Variants in KIF21A observed in about 807,000 individuals in gnomAD.
The protein encoded by KIF21A is kinesin family member 21A, also known as kinesin-like protein KIF21A.
In KIF21A, 114 loss-of-function variants were observed where a neutral mutation model predicts 202.9. That is an observed-to-expected ratio of 0.56 (90% CI 0.48 to 0.66). KIF21A has a LOEUF of 0.66. Among genes scored for constraint, KIF21A ranks in the 30% least tolerant of loss-of-function variants. The probability of loss-of-function intolerance (pLI) is 0.00; values close to 1 mark genes in which losing one functional copy is unlikely to be tolerated. For missense variants in KIF21A, 1,677 were observed against 1,994.9 expected (o/e 0.84, Z 3.04); for synonymous variants, 667 against 670.8 (o/e 0.99, Z 0.09).
chr12:39,330,899 C>A lies in KIF21A; in HGVS notation c.3166G>T (p.Ala1056Ser), dbSNP rs1230534151. 8.7e-6 allele frequency: 14 copies of A among 1,613,808 alleles called. No individual in the cohort carries two copies. The highest frequency in any genetic ancestry group is 2.7e-5 in the African/African-American group (2 of 74,902). The change falls in exon 23 of 38, where the codon GCC becomes TCC. Residue 1056 changes from alanine to serine, a missense_variant. Physicochemically the swap from Ala to Ser is moderately conservative, Grantham distance 99. Transcript: ENST00000361418. The part of the protein sequence containing the change: ...SMGINKGLQA[A>S]QKEAQIKVLE... ...ACTTTAATTTGAGCCTCTTTCTGGG[C>A]AGCCTGAAGACCCTGAAACACAACA...
intron 1 of KIF21A, among the ~76,000 whole-genome samples, chr12:39,402,791 T>C (rs1172104871): frequency 1.3e-5 from 2 of 152,214 alleles, no homozygotes; most frequent in African/African-American, 4.8e-5. Flanking sequence ...AGTGTTAGCG[T>C]ATTTTATGTG....
chr12:39,307,450 G>A, intron 34 of KIF21A, 115 bp downstream of exon 34: 1 of 907,834 alleles, frequency 1.1e-6, no homozygotes, highest in South Asian at 1.5e-5. Flanking sequence ...AAAAGCCTAT[G>A]ATTTTACATT....
At chr12:39,420,075 A>G in intron 1 of KIF21A, among the ~76,000 whole-genome samples, 1 of 27,486 alleles carries the variant, frequency 3.6e-5, no homozygotes, top group Admixed American at 5.6e-4. Flanking sequence ...GACAGAAAGT[A>G]AAAAAAAAAA....
At chr12:39,440,406 C>T (rs1939400021) in intron 1 of KIF21A, among the ~76,000 whole-genome samples, 1 of 152,136 alleles carries the variant, frequency 6.6e-6, no homozygotes, top group Non-Finnish European at 1.5e-5. Flanking sequence ...TCTTTCTGTG[C>T]CTCATCTGTA....
At chr12:39,300,643 A>G (rs538370790) in intron 37 of KIF21A, among the ~76,000 whole-genome samples, 4 of 152,264 alleles carry the variant, frequency 2.6e-5, no homozygotes, top group African/African-American at 9.6e-5. Flanking sequence ...AATGAGACCT[A>G]CACTTCACAT....
chr12:39,364,572 C>A (rs1436281091), intron 6 of KIF21A, among the ~76,000 whole-genome samples: 1 of 152,062 alleles, frequency 6.6e-6, no homozygotes, highest in Non-Finnish European at 1.5e-5. Context: ...TGGTAATTTC[C>A]CCATAGACGG....
intron 1 of KIF21A, among the ~76,000 whole-genome samples, chr12:39,415,879 A>G (rs898119777): frequency 1.3e-5 from 2 of 152,184 alleles, no homozygotes; most frequent in African/African-American, 4.8e-5. Flanking sequence ...CTGCTTAGAC[A>G]GCTCTTCCTC....
chr12:39,417,721 G>A lies in KIF21A; in HGVS notation c.44+25206C>T, dbSNP rs79794995. 3.7e-3 allele frequency among the ~76,000 whole-genome samples: 558 copies of A among 151,910 alleles called. 4 individuals are homozygous for A. The highest frequency in any genetic ancestry group is 0.028 in the East Asian group (147 of 5,180). On this transcript the variant is annotated intron_variant, in intron 1 of 37. Coordinates refer to ENST00000361418, the MANE Select transcript of KIF21A (RefSeq NM_001173464.2). ...ACATCATTATGACACTATTATATTC[G>A]GTCAGGTATTGAATAATTTAAAACC... is the stretch of plus-strand genomic sequence containing the variant.
chr12:39,367,853 G>A, intron 4 of KIF21A, 30 bp downstream of exon 4: 1 of 1,570,268 alleles, frequency 6.4e-7, no homozygotes, highest in Non-Finnish European at 8.8e-7. Context: ...AGCCAACTAT[G>A]CTCTGTTTTA....
chr12:39,322,944 G>C (rs1320114339), intron 26 of KIF21A, 62 bp from the exon 27 acceptor site: 2 of 1,258,616 alleles, frequency 1.6e-6, no homozygotes, highest in Non-Finnish European at 1.1e-6. Flanking sequence ...GCTGATTAGA[G>C]AACAGAGATT....
rs1432758073 is a variant in KIF21A at position 39,442,499 on chromosome 12, CG to C, written c.44+427del. ...TGGGAAGGCCGGAGCTGCATGGACA[CG>C]TATGACAGACATTCTAGAACTAATA... is the stretch of plus-strand genomic sequence containing the variant. On this transcript the variant is annotated intron_variant, in intron 1 of 37. Transcript: ENST00000361418. This position sits in a 1 kb window ranked among gnomAD's most constrained non-coding sequence, Gnocchi z 5.0. Among the ~76,000 whole-genome samples, 1 of 152,122 alleles carries C rather than the reference CG, an allele frequency of 6.6e-6. No homozygotes were observed. Among genetic ancestry groups the C allele is most frequent in the Non-Finnish European group, 1.5e-5 (1 of 68,018 alleles).
intron 37 of KIF21A, among the ~76,000 whole-genome samples, chr12:39,295,041 C>T (rs750972640): frequency 3.9e-5 from 6 of 152,194 alleles, no homozygotes; most frequent in Non-Finnish European, 8.8e-5. Flanking sequence ...AGGGAGTTAG[C>T]GAATCTGGCA....
intron 1 of KIF21A, among the ~76,000 whole-genome samples, chr12:39,429,198 T>A (rs903379371): frequency 2.0e-4 from 31 of 151,902 alleles, no homozygotes; most frequent in Non-Finnish European, 1.6e-4. Flanking sequence ...TAAATAAGTA[T>A]CCCCCATGTC....
At chr12:39,429,642 T>G (rs1249231112) in intron 1 of KIF21A, among the ~76,000 whole-genome samples, 1 of 152,180 alleles carries the variant, frequency 6.6e-6, no homozygotes, top group East Asian at 1.9e-4. Context: ...TCCTATTATG[T>G]TAGTACTCTT....
chr12:39,359,728 G>A (rs992999183), intron 7 of KIF21A, among the ~76,000 whole-genome samples: 1 of 152,052 alleles, frequency 6.6e-6, no homozygotes, highest in South Asian at 2.1e-4. Context: ...ATAAAATTGG[G>A]GAAAATAAAT....
intron 24 of KIF21A, among the ~76,000 whole-genome samples, chr12:39,329,485 A>T (rs769395968): frequency 2.6e-5 from 4 of 152,094 alleles, no homozygotes; most frequent in Non-Finnish European, 5.9e-5. Flanking sequence ...AGGGGGAGAA[A>T]GATAAAGAAG....
At chr12:39,403,868 T>C (rs182496603) in intron 1 of KIF21A, among the ~76,000 whole-genome samples, 39 of 152,262 alleles carry the variant, frequency 2.6e-4, no homozygotes. Context: ...TTAATGAAAA[T>C]TAAGTTAATG....
At chr12:39,298,831 A>C (rs1942672832) in intron 37 of KIF21A, among the ~76,000 whole-genome samples, 1 of 152,154 alleles carries the variant, frequency 6.6e-6, no homozygotes. Flanking sequence ...AGGTATGATG[A>C]AATTATCTAT....
At chr12:39,352,053 C>T in intron 10 of KIF21A, 73 bp from the exon 11 acceptor site, 1 of 1,059,198 alleles carries the variant, frequency 9.4e-7, no homozygotes, top group Non-Finnish European at 1.5e-6. Flanking sequence ...TAAAGTGTAC[C>T]ACACTACCAT....
Sources: gnomAD v4.1 joint callset for allele counts (sites outside exome capture counted in the v4.1 genomes callset) on GRCh38, gnomAD v4.1.1 for gene constraint, Gnocchi (gnomAD v3.1) non-coding constraint, MANE v1.5 for transcripts, NCBI Gene and HGNC (gene_info 2026-07-23, HGNC 2026-07-21) for gene names.